MAGI3: variants seen among roughly 807,000 people sequenced by gnomAD.
The protein encoded by MAGI3 is membrane-associated guanylate kinase, WW and PDZ domain-containing protein 3.
In MAGI3, 43 loss-of-function variants were observed where a neutral mutation model predicts 121.8. The ratio of observed to expected loss-of-function variants is 0.35; its 90% CI spans 0.28 to 0.46. The LOEUF (loss-of-function observed/expected upper bound fraction) is 0.46. MAGI3 is among the 20% of genes least tolerant of loss of function. The probability of loss-of-function intolerance (pLI) is 1.00; values close to 1 mark genes in which losing one functional copy is unlikely to be tolerated. For missense variants in MAGI3, 1,547 were observed against 1,797.3 expected, an observed-to-expected ratio of 0.86 and a Z score of 2.52; for synonymous variants, 553 against 639.3, an observed-to-expected ratio of 0.86 and a Z score of 2.04.
chr1:113,634,739 C>T (rs1306204137), intron 9 of MAGI3, among the ~76,000 whole-genome samples: 1 of 152,046 alleles, frequency 6.6e-6, no homozygotes, highest in East Asian at 1.9e-4. Context: ...TCCATATGAA[C>T]TTTAAAGTAG....
chr1:113,477,814 A>C (rs1197695763), intron 1 of MAGI3, among the ~76,000 whole-genome samples: 1 of 152,186 alleles, frequency 6.6e-6, no homozygotes, highest in Non-Finnish European at 1.5e-5. Context: ...TAATATCCTG[A>C]AGAGTGTTTG....
In MAGI3 at chr1:113,449,981, T is replaced by C. The variant is rs1654396513; in HGVS notation, c.316+58632T>C. 4 of 1,564,788 alleles carry C rather than the reference T, an allele frequency of 2.6e-6. No homozygotes were observed. The East Asian group carries it at 9.0e-5, about 35-fold the overall frequency. On this transcript the variant is annotated intron_variant, in intron 1 of 20. Transcript: ENST00000307546. ...AGACAGCTGTTTCTAGAGAGGATTC[T>C]GTAAAGCCTGGTGCCCATCTAACAG...
chr1:113,487,665 C>T (rs1343822474), intron 1 of MAGI3, among the ~76,000 whole-genome samples: 1 of 151,388 alleles, frequency 6.6e-6, no homozygotes, highest in East Asian at 1.9e-4. Flanking sequence ...TACATTATAA[C>T]AAATTTAAGT....
intron 19 of MAGI3, among the ~76,000 whole-genome samples, chr1:113,678,482 C>G (rs1648014610): frequency 6.6e-6 from 1 of 152,142 alleles, no homozygotes; most frequent in Non-Finnish European, 1.5e-5. Flanking sequence ...TTAAATCCAT[C>G]AATCTTGTTT....
At chr1:113,522,829 A>G (rs1016298554) in intron 1 of MAGI3, among the ~76,000 whole-genome samples, 3 of 152,214 alleles carry the variant, frequency 2.0e-5, no homozygotes, top group East Asian at 1.9e-4. Flanking sequence ...TGCATATATT[A>G]TGATACTTCA....
intron 6 of MAGI3, among the ~76,000 whole-genome samples, chr1:113,604,185 A>T (rs527549077): frequency 6.6e-6 from 1 of 152,306 alleles, no homozygotes; most frequent in African/African-American, 2.4e-5. Flanking sequence ...CTGCTTATGT[A>T]TGTCTATCAT....
At chr1:113,554,090 A>G (rs2101676832) in intron 2 of MAGI3, among the ~76,000 whole-genome samples, 1 of 152,342 alleles carries the variant, frequency 6.6e-6, no homozygotes, top group East Asian at 1.9e-4. Context: ...CATCTAATAA[A>G]AAATTACTAG....
At chr1:113,463,961 G>C (rs1655154766) in intron 1 of MAGI3, among the ~76,000 whole-genome samples, 1 of 151,964 alleles carries the variant, frequency 6.6e-6, no homozygotes, top group Non-Finnish European at 1.5e-5. Flanking sequence ...GTGTTCTTGG[G>C]ATATTCATCA....
At chr1:113,428,768 A>G (rs1438568359) in intron 1 of MAGI3, among the ~76,000 whole-genome samples, 2 of 152,218 alleles carry the variant, frequency 1.3e-5, no homozygotes, top group African/African-American at 4.8e-5. Flanking sequence ...GTTAGACTCT[A>G]AATTTTCACC....
chr1:113,473,040 T>A (rs937568851), intron 1 of MAGI3, among the ~76,000 whole-genome samples: 1 of 152,222 alleles, frequency 6.6e-6, no homozygotes, highest in Non-Finnish European at 1.5e-5. Flanking sequence ...TTATAGTAAC[T>A]TTTTAAAATT....
At chr1:113,455,867 C>T (rs1440262861) in intron 1 of MAGI3, among the ~76,000 whole-genome samples, 1 of 152,024 alleles carries the variant, frequency 6.6e-6, no homozygotes, top group Admixed American at 6.5e-5. Flanking sequence ...CTTATTCTTG[C>T]CTAGCACAGA....
intron 11 of MAGI3, among the ~76,000 whole-genome samples, chr1:113,646,180 C>G (rs1403286068): frequency 6.6e-6 from 1 of 151,810 alleles, no homozygotes; most frequent in Non-Finnish European, 1.5e-5. Flanking sequence ...TTCTATTTAT[C>G]TTCATCTCAA....
intron 1 of MAGI3, among the ~76,000 whole-genome samples, chr1:113,504,563 A>G (rs938190313): frequency 6.6e-6 from 1 of 152,116 alleles, no homozygotes; most frequent in Non-Finnish European, 1.5e-5. Context: ...AACACTTACT[A>G]CTTTGGCATG....
chr1:113,488,461 C>A (rs75011281), intron 1 of MAGI3, among the ~76,000 whole-genome samples: 181 of 152,348 alleles, frequency 1.2e-3, no homozygotes, highest in Middle Eastern at 6.8e-3. Flanking sequence ...GCTTGCAGGG[C>A]AGCCTCAGGT....
intron 1 of MAGI3, among the ~76,000 whole-genome samples, chr1:113,496,319 T>C (rs1656915699): frequency 6.6e-6 from 1 of 152,212 alleles, no homozygotes; most frequent in South Asian, 2.1e-4. Flanking sequence ...TGTTTCTGTC[T>C]CCAAAAAGTT....
At chr1:113,416,789 G>A (rs766372687) in intron 1 of MAGI3, among the ~76,000 whole-genome samples, 8 of 151,660 alleles carry the variant, frequency 5.3e-5, no homozygotes, top group Non-Finnish European at 8.8e-5. Context: ...TAGAACCTGA[G>A]CATTAAGACT....
chr1:113,525,043 C>T (rs1658388273), intron 1 of MAGI3, among the ~76,000 whole-genome samples: 1 of 152,166 alleles, frequency 6.6e-6, no homozygotes, highest in South Asian at 2.1e-4. Context: ...CTTCTCTTGT[C>T]TGCCACTGTG....
intron 9 of MAGI3, among the ~76,000 whole-genome samples, chr1:113,623,412 T>C (rs934396108): frequency 4.0e-5 from 6 of 150,250 alleles, no homozygotes; most frequent in East Asian, 3.9e-4. Context: ...TATATATATA[T>C]ACACACACAT....
intron 1 of MAGI3, among the ~76,000 whole-genome samples, chr1:113,514,106 A>G (rs907023283): frequency 1.3e-5 from 2 of 152,188 alleles, no homozygotes; most frequent in African/African-American, 4.8e-5. Flanking sequence ...AATGGCGATC[A>G]TTAAAAAGTC....
Sources: gnomAD v4.1 joint callset for allele counts (sites outside exome capture counted in the v4.1 genomes callset) on GRCh38, gnomAD v4.1.1 for gene constraint, MANE v1.5 for transcripts, NCBI Gene and HGNC (gene_info 2026-07-23, HGNC 2026-07-21) for gene names.